The following BTBD7 variants were observed in gnomAD, a reference collection of about 807,000 sequenced individuals.
BTBD7 encodes the protein BTB domain containing 7, also known as BTB/POZ domain-containing protein 7.
In BTBD7, 38 loss-of-function variants were observed where a neutral mutation model predicts 99.9. That is an observed-to-expected ratio of 0.38 (90% CI 0.29 to 0.50). BTBD7 has a LOEUF of 0.50. Among genes scored for constraint, BTBD7 ranks in the 20% least tolerant of loss-of-function variants. The pLI, the probability that BTBD7 is intolerant of heterozygous loss-of-function variation, is 0.93. For synonymous variants in BTBD7, 520 were observed against 511.4 expected, an observed-to-expected ratio of 1.02 and a Z score of -0.23; for missense variants, 1,170 against 1,394.6, an observed-to-expected ratio of 0.84 and a Z score of 2.57.
rs565285718 is a variant in BTBD7, at chr14:93,290,325, G to A, written c.1162+3533C>T. ...CCTCCTGGGTTCACGCCATTCTCCT[G>A]CCTCAGCCTCCTGAGCAGCTGGGAC... is the stretch of plus-strand genomic sequence containing the variant. On this transcript the variant is annotated intron_variant, in intron 3 of 10. Coordinates refer to ENST00000334746, the MANE Select transcript of BTBD7 (RefSeq NM_001002860.4). 2.8e-4 allele frequency among the ~76,000 whole-genome samples: 42 copies of A among 150,852 alleles called. No individual in the cohort carries two copies. In the South Asian group the frequency reaches 8.4e-3, roughly 30 times the overall value.
At position 93,240,717 on chromosome 14, in the gene BTBD7, A is replaced by G. The variant is rs2052215864; in HGVS notation, c.*1556T>C. The stretch of plus-strand genomic sequence containing the variant: ...GATTTAAAAACTCAAATACTCATAT[A>G]TTTACATTGGAGAGTAAGAAAAAAA... On this transcript the variant is annotated 3_prime_UTR_variant, in exon 11 of 11. Transcript: ENST00000334746. The G allele has an allele frequency of 6.6e-6, 1 of 152,610 alleles. No homozygotes were observed. Among genetic ancestry groups the G allele is most frequent in the Non-Finnish European group, 1.5e-5 (1 of 68,034 alleles). The allele number at this position is 152,610 out of a possible 1,614,324, so 9.5% of individuals were successfully genotyped here.
intron 1 of BTBD7, among the ~76,000 whole-genome samples, chr14:93,331,699 G>A (rs150909031): frequency 0.014 from 2,121 of 152,298 alleles, 43 homozygotes; most frequent in African/African-American, 0.048. Context: ...TGGCCAACAT[G>A]GTGAAACCAC....
intron 3 of BTBD7, among the ~76,000 whole-genome samples, chr14:93,278,079 T>C (rs1021444741): frequency 7.9e-5 from 12 of 152,198 alleles, no homozygotes; most frequent in Non-Finnish European, 1.0e-4. Flanking sequence ...AAGAATATCA[T>C]TGAAGGGAAA....
intron 3 of BTBD7, among the ~76,000 whole-genome samples, chr14:93,287,335 G>A (rs868567036): frequency 0.06 from 1,434 of 23,850 alleles, 32 homozygotes; most frequent in African/African-American, 0.17. Flanking sequence ...CCCCCACCCC[G>A]TCCTACATCC....
chr14:93,275,426 GT>G (rs2052644095), intron 3 of BTBD7, among the ~76,000 whole-genome samples: 1 of 152,184 alleles, frequency 6.6e-6, no homozygotes, highest in Non-Finnish European at 1.5e-5. Context: ...TTTTAAAGTT[GT>G]AGTTTTCTGT....
chr14:93,290,206 T>C (rs2052831586), intron 3 of BTBD7, among the ~76,000 whole-genome samples: 1 of 150,108 alleles, frequency 6.7e-6, no homozygotes. Flanking sequence ...CTGCCAATAC[T>C]GCCTTTTAAT....
At chr14:93,285,563 C>A (rs992684704) in intron 3 of BTBD7, among the ~76,000 whole-genome samples, 1 of 152,186 alleles carries the variant, frequency 6.6e-6, no homozygotes, top group Non-Finnish European at 1.5e-5. Flanking sequence ...CTGAGGTCAA[C>A]AGTATTTATG....
intron 5 of BTBD7, among the ~76,000 whole-genome samples, chr14:93,260,215 C>T (rs1339783206): frequency 6.6e-6 from 1 of 151,968 alleles, no homozygotes; most frequent in Admixed American, 6.6e-5. Context: ...GTACTAAAAT[C>T]CACTGACTTG....
chr14:93,316,326 C>G (rs1276025274), intron 1 of BTBD7, among the ~76,000 whole-genome samples: 2 of 151,586 alleles, frequency 1.3e-5, no homozygotes, highest in Non-Finnish European at 2.9e-5. Flanking sequence ...TGTGGTGGCA[C>G]AATCATAGCT....
intron 1 of BTBD7, among the ~76,000 whole-genome samples, chr14:93,316,284 G>T (rs982020616): frequency 6.7e-6 from 1 of 148,484 alleles, no homozygotes; most frequent in African/African-American, 2.5e-5. Context: ...TTAAAAAATA[G>T]AGACAGTCTC....
At chr14:93,314,508 TAAA>T (rs2053176759) in intron 1 of BTBD7, among the ~76,000 whole-genome samples, 1 of 152,160 alleles carries the variant, frequency 6.6e-6, no homozygotes. Flanking sequence ...TACTTTACCT[TAAA>T]AAAATTCCTA....
At chr14:93,253,944 ATT>A (rs765948244) in intron 6 of BTBD7, among the ~76,000 whole-genome samples, 154 bp from the exon 7 acceptor site, 2 of 146,930 alleles carry the variant, frequency 1.4e-5, no homozygotes. Flanking sequence ...AATACCTCAA[ATT>A]TTTTTTTTTT....
rs138257791 is a variant in BTBD7, at chr14:93,327,125, C to T, written c.-107+5695G>A. On this transcript the variant is annotated intron_variant, in intron 1 of 10. Coordinates refer to ENST00000334746, the MANE Select transcript of BTBD7 (RefSeq NM_001002860.4). ...GCAGTGAGTCATGACTACACCACTG[C>T]GCTCAGCCCGCTGTCAAAGTGAGAC... Among the ~76,000 whole-genome samples, 798 of 152,204 alleles carry T rather than the reference C, an allele frequency of 5.2e-3. 12 individuals are homozygous for T. Among genetic ancestry groups the T allele is most frequent in the Middle Eastern group, 0.051 (15 of 294 alleles).
At chr14:93,324,201 G>A (rs147329544) in intron 1 of BTBD7, among the ~76,000 whole-genome samples, 387 of 152,280 alleles carry the variant, frequency 2.5e-3, no homozygotes, top group African/African-American at 8.3e-3. Context: ...CACTTTGGGA[G>A]ACTGAGGTGG....
intron 1 of BTBD7, among the ~76,000 whole-genome samples, chr14:93,308,346 T>C (rs1566860325): frequency 6.7e-6 from 1 of 149,024 alleles, no homozygotes; most frequent in Non-Finnish European, 1.5e-5. Flanking sequence ...AGACAAAAGA[T>C]TTCCCAGCAA....
intron 1 of BTBD7, among the ~76,000 whole-genome samples, chr14:93,297,839 T>C (rs2052947901): frequency 6.6e-6 from 1 of 152,010 alleles, no homozygotes. Context: ...GAGTTTAAAA[T>C]ATATAAACAA....
chr14:93,249,951 T>C (rs2052352985), intron 8 of BTBD7, among the ~76,000 whole-genome samples: 1 of 152,204 alleles, frequency 6.6e-6, no homozygotes, highest in East Asian at 1.9e-4. Context: ...AGTGCTTACT[T>C]TGTGCCAGGC....
At chr14:93,313,679 T>TACACACACACACAC (rs57711099) in intron 1 of BTBD7, among the ~76,000 whole-genome samples, 34 of 145,524 alleles carry the variant, frequency 2.3e-4, no homozygotes, top group African/African-American at 3.1e-4. Context: ...AAAATGAAAC[T>TACACACACACACAC]ACACACACAC....
chr14:93,285,215 ATGAG>A (rs2052763565), intron 3 of BTBD7, among the ~76,000 whole-genome samples: 1 of 152,160 alleles, frequency 6.6e-6, no homozygotes, highest in Non-Finnish European at 1.5e-5. Context: ...GGTGAAATGG[ATGAG>A]TGAGTGGGGA....
Sources: gnomAD v4.1 joint callset for allele counts (sites outside exome capture counted in the v4.1 genomes callset) on GRCh38, gnomAD v4.1.1 for gene constraint, MANE v1.5 for transcripts, NCBI Gene and HGNC (gene_info 2026-07-23, HGNC 2026-07-21) for gene names.